TTC7A: variants seen among roughly 807,000 people sequenced by gnomAD.
TTC7A encodes tetratricopeptide repeat domain 7A, also known as tetratricopeptide repeat protein 7A.
Under a neutral mutation model 103.7 loss-of-function variants are expected in TTC7A, and 110 were observed. The observed-to-expected ratio is 1.06, with a 90% CI of 0.91 to 1.24. The LOEUF (loss-of-function observed/expected upper bound fraction) is 1.24. TTC7A is among the 50% of genes most tolerant of loss of function. TTC7A has a pLI of 0.00. For synonymous variants in TTC7A, 521 were observed against 467.9 expected (o/e 1.11, Z -1.47); for missense variants, 1,340 against 1,116.3 (o/e 1.20, Z -2.86).
At chr2:47,053,102 C>G (rs1683006817) in intron 18 of TTC7A, among the ~76,000 whole-genome samples, 1 of 152,080 alleles carries the variant, frequency 6.6e-6, no homozygotes, top group Non-Finnish European at 1.5e-5. Flanking sequence ...CACAGGAAGG[C>G]TAGACATGGG....
intron 16 of TTC7A, among the ~76,000 whole-genome samples, chr2:47,048,414 C>A (rs939745545): frequency 3.3e-5 from 5 of 152,164 alleles, no homozygotes; most frequent in Non-Finnish European, 7.4e-5. Context: ...CCATGCCAGC[C>A]CTGCACCAGG....
chr2:47,033,732 G>T (rs1680808436), intron 15 of TTC7A, among the ~76,000 whole-genome samples: 1 of 152,194 alleles, frequency 6.6e-6, no homozygotes, highest in Non-Finnish European at 1.5e-5. Flanking sequence ...ACAGTCGATG[G>T]ACAGCCGTGT....
chr2:46,962,891 C>G (rs967753114), intron 3 of TTC7A, among the ~76,000 whole-genome samples: 2 of 152,258 alleles, frequency 1.3e-5, no homozygotes, highest in African/African-American at 4.8e-5. Flanking sequence ...TGGGGTCTGT[C>G]TGCCTCTACA....
intron 19 of TTC7A, among the ~76,000 whole-genome samples, chr2:47,063,879 C>G (rs1178240580): frequency 6.6e-6 from 1 of 152,180 alleles, no homozygotes; most frequent in Non-Finnish European, 1.5e-5. Flanking sequence ...TGGGTTTGGC[C>G]CTGTAGTCCT....
At chr2:47,053,543 T>TTTGTTTGGTTGG (rs66907808) in intron 18 of TTC7A, among the ~76,000 whole-genome samples, 27,545 of 139,856 alleles carry the variant, frequency 0.2, 3,068 homozygotes, top group East Asian at 0.41. Context: ...TGTTTGTTTG[T>TTTGTTTGGTTGG]TTGGTTGGTT....
chr2:47,013,921 C>A (rs1678341816), intron 11 of TTC7A, among the ~76,000 whole-genome samples: 1 of 152,188 alleles, frequency 6.6e-6, no homozygotes, highest in South Asian at 2.1e-4. Context: ...AGTGATGTCC[C>A]ATGGGTGGCC....
intron 11 of TTC7A, among the ~76,000 whole-genome samples, chr2:47,014,473 T>C (rs1004245237): frequency 3.3e-5 from 5 of 152,166 alleles, no homozygotes; most frequent in Admixed American, 6.5e-5. Context: ...CCCCTTTTTC[T>C]CAAGGACTGG....
chr2:47,028,185 A>G (rs141177875), intron 14 of TTC7A, among the ~76,000 whole-genome samples: 1 of 152,296 alleles, frequency 6.6e-6, no homozygotes. Flanking sequence ...ATATCCTCCC[A>G]TAAGTCCAGC....
In TTC7A at chr2:46,975,073, C is replaced by G. The variant is rs770250064; in HGVS notation, c.618C>G (p.Ile206Met). 1 of 1,613,888 alleles carries G rather than the reference C, an allele frequency of 6.2e-7. No individual in the cohort carries two copies. Among genetic ancestry groups the G allele is most frequent in the Non-Finnish European group, 8.5e-7 (1 of 1,179,838 alleles). Residue 206 changes from isoleucine (I) to methionine (M), a missense_variant, in exon 4 of 20, where the codon ATC becomes ATG. By Grantham distance (10) the Ile-to-Met change is conservative (BLOSUM62 1). Coordinates refer to ENST00000319190, the MANE Select transcript of TTC7A (RefSeq NM_020458.4). The part of the protein sequence containing the change: ...VITCFERASW[I>M]AQVFLQELEK... The stretch of plus-strand genomic sequence containing the variant: ...CCTGTTTTGAGAGGGCCTCCTGGAT[C>G]GCTCAGGTGTTCCTGCAGGAATTGG...
intron 3 of TTC7A, among the ~76,000 whole-genome samples, chr2:46,968,896 T>C (rs1193540616): frequency 5.9e-5 from 9 of 151,712 alleles, no homozygotes; most frequent in African/African-American, 1.9e-4. Context: ...TCTTTTCTAA[T>C]TGGTCTCCAC....
intron 2 of TTC7A, among the ~76,000 whole-genome samples, chr2:46,929,924 T>C (rs1352063807): frequency 1.3e-5 from 2 of 152,168 alleles, no homozygotes; most frequent in African/African-American, 2.4e-5. Flanking sequence ...GCCATGATAA[T>C]TGTCAATGTT....
chr2:47,006,525 G>A (rs1325940529), intron 9 of TTC7A, 116 bp from the exon 10 acceptor site: 10 of 881,406 alleles, frequency 1.1e-5, no homozygotes, highest in Non-Finnish European at 1.9e-5. Flanking sequence ...GCCAAGTGCG[G>A]GCCTCCTGCA....
At chr2:46,992,861 G>T (rs1342020266) in intron 5 of TTC7A, among the ~76,000 whole-genome samples, 1 of 152,236 alleles carries the variant, frequency 6.6e-6, no homozygotes, top group Non-Finnish European at 1.5e-5. Context: ...TTTATGTCAG[G>T]GAAGTGTATG....
intron 4 of TTC7A, among the ~76,000 whole-genome samples, chr2:46,976,728 C>T (rs1017948560): frequency 6.6e-6 from 1 of 152,206 alleles, no homozygotes; most frequent in Admixed American, 6.5e-5. Flanking sequence ...CTAGACTCTC[C>T]CCACTATGCC....
chr2:46,929,354 G>A (rs1669572638), intron 2 of TTC7A, among the ~76,000 whole-genome samples: 1 of 152,034 alleles, frequency 6.6e-6, no homozygotes, highest in African/African-American at 2.4e-5. Context: ...GGCTGTGGTG[G>A]TACACACCTG....
upstream of TTC7A, among the ~76,000 whole-genome samples, chr2:46,938,984 C>T (rs1396294543): frequency 6.7e-6 from 1 of 148,308 alleles, no homozygotes; most frequent in African/African-American, 2.5e-5. Context: ...GCATTCCAGC[C>T]TGGGCAACAG....
Position 46,952,324 on chromosome 2 carries a change from A to G in TTC7A, c.348+1798A>G, listed in dbSNP as rs141774218. Among the ~76,000 whole-genome samples, 1,197 of 152,308 alleles carry G rather than the reference A, an allele frequency of 7.9e-3. 13 individuals carry two copies. The highest frequency in any genetic ancestry group is 0.027 in the African/African-American group (1,130 of 41,566). Reference sequence around the variant, plus strand: ...TGGTGGGGTTCAAGCTTTTCCCACCAAGACCGCTTTTCGTTTTAAAAATAT... The same window carrying G: ...TGGTGGGGTTCAAGCTTTTCCCACCGAGACCGCTTTTCGTTTTAAAAATAT... On this transcript the variant is annotated intron_variant, in intron 2 of 19. Transcript: ENST00000319190.
chr2:46,962,369 T>A (rs1406747481), intron 3 of TTC7A, among the ~76,000 whole-genome samples: 1 of 152,196 alleles, frequency 6.6e-6, no homozygotes. Flanking sequence ...TGCACGTCCA[T>A]TCTACCCAGT....
Position 46,930,335 on chromosome 2 carries a change from C to T in TTC7A, c.82+13058C>T, listed in dbSNP as rs150977417. On this transcript the variant is annotated intron_variant, in intron 2 of 20. Transcript: ENST00000409245. ...AATATGAATACCAGTAATGAAAATTCAAATAGCACTATAAATTCTACGAAC... is the reference window on the plus strand; with the variant it reads ...AATATGAATACCAGTAATGAAAATTTAAATAGCACTATAAATTCTACGAAC... Among the ~76,000 whole-genome samples, 356 of 149,376 alleles carry T rather than the reference C, an allele frequency of 2.4e-3. 3 individuals are homozygous for T. The highest frequency in any genetic ancestry group is 8.6e-3 in the African/African-American group (349 of 40,620).
Sources: gnomAD v4.1 joint callset for allele counts (sites outside exome capture counted in the v4.1 genomes callset) on GRCh38, gnomAD v4.1.1 for gene constraint, MANE v1.5 for transcripts, NCBI Gene and HGNC (gene_info 2026-07-23, HGNC 2026-07-21) for gene names.